Variants in DOCK8 observed in about 807,000 individuals in gnomAD.
DOCK8 encodes dedicator of cytokinesis 8, also known as dedicator of cytokinesis protein 8.
DOCK8 carries 141 observed loss-of-function variants against 245.6 expected under a neutral mutation model. The observed-to-expected ratio is 0.57, with a 90% CI of 0.50 to 0.66. DOCK8 has a LOEUF of 0.66. Ranked by LOEUF, DOCK8 falls within the 30% of genes least tolerant of loss-of-function variation. The pLI is 0.00. For missense variants in DOCK8, 2,965 were observed against 2,603.4 expected (o/e 1.14, Z -3.02); for synonymous variants, 1,168 against 970.2 (o/e 1.20, Z -3.79).
intron 14 of DOCK8, among the ~76,000 whole-genome samples, chr9:348,712 T>G (rs2052018857): frequency 6.6e-6 from 1 of 152,248 alleles, no homozygotes; most frequent in African/African-American, 2.4e-5. Flanking sequence ...TCTATACTTT[T>G]GTTAGTTTTA....
At chr9:417,616 A>G (rs2056084637) in intron 29 of DOCK8, among the ~76,000 whole-genome samples, 1 of 152,238 alleles carries the variant, frequency 6.6e-6, no homozygotes, top group African/African-American at 2.4e-5. Flanking sequence ...TCTATATTAC[A>G]TAGATACAAT....
rs1309184166 is a variant in DOCK8, at chr9:452,110, A to T, written c.6061A>T (p.Ile2021Phe). Residue 2021 changes from isoleucine (I) to phenylalanine (F), a missense_variant, in exon 46 of 48, where the codon ATC (isoleucine) becomes TTC (phenylalanine). Ile to Phe is a conservative substitution (Grantham distance 21, BLOSUM62 0). Coordinates refer to ENST00000432829, the MANE Select transcript of DOCK8 (RefSeq NM_203447.4). ...NKLRLCFKEFIMRCGEAVEKN... is the reference protein window; with the variant it reads ...NKLRLCFKEFFMRCGEAVEKN... Reference sequence around the variant, plus strand: ...GTTGAGGTTATGCTTTAAGGAATTCATCATGAGGTAAGAAGGAAAATGGCT... The same window carrying T: ...GTTGAGGTTATGCTTTAAGGAATTCTTCATGAGGTAAGAAGGAAAATGGCT... The T allele has an allele frequency of 6.2e-7, 1 of 1,607,618 alleles. No homozygotes were observed. The highest frequency in any genetic ancestry group is 1.7e-5 in the Admixed American group (1 of 59,860).
At position 421,067 on chromosome 9, in the gene DOCK8, G is replaced by A. The variant is rs756811056; in HGVS notation, c.4142G>A (p.Arg1381His). 3 of 1,614,118 alleles carry A rather than the reference G, an allele frequency of 1.9e-6. No homozygotes were observed. The highest frequency in any genetic ancestry group is 1.1e-5 in the South Asian group (1 of 91,080). Residue 1381 changes from arginine to histidine, a missense_variant, in exon 32 of 48, where the codon CGC becomes CAC. Around this residue, in one of 3 missense-constraint regions of DOCK8, gnomAD observed 2,825 missense variants for 2,453.5 expected, o/e 1.15. Transcript: ENST00000432829. The stretch of plus-strand genomic sequence containing the variant: ...GGGGCCAGAGGGGAGATGATGCGCC[G>A]CCGGGCTCCAGGTGTGTTGGACTGG... ...GEGARGEMMR[R>H]RAPGNDRFPG...
intron 7 of DOCK8, among the ~76,000 whole-genome samples, chr9:318,344 G>T (rs998101386): frequency 2.6e-5 from 4 of 152,218 alleles, no homozygotes; most frequent in Non-Finnish European, 4.4e-5. Flanking sequence ...CCCCTGGTTT[G>T]CAGTGAGAAG....
chr9:220,394 A>G (rs901377490), intron 1 of DOCK8, among the ~76,000 whole-genome samples: 3 of 152,330 alleles, frequency 2.0e-5, no homozygotes, highest in South Asian at 2.1e-4. Flanking sequence ...TTCATAGACC[A>G]GTGGAAAGAA....
intron 14 of DOCK8, among the ~76,000 whole-genome samples, chr9:351,718 C>T (rs2052177225): frequency 6.6e-6 from 1 of 152,158 alleles, no homozygotes; most frequent in African/African-American, 2.4e-5. Context: ...GGAAGTTTGC[C>T]TCTTTATGTC....
At chr9:444,591 A>T (rs568700280) in intron 43 of DOCK8, among the ~76,000 whole-genome samples, 50 of 152,228 alleles carry the variant, frequency 3.3e-4, no homozygotes, top group Non-Finnish European at 5.3e-4. Context: ...AGGCAAATTG[A>T]ATACAGTCTC....
chr9:400,325 C>CTAT (rs199622509), intron 26 of DOCK8, among the ~76,000 whole-genome samples: 17 of 88,872 alleles, frequency 1.9e-4, no homozygotes, highest in South Asian at 4.7e-4. Flanking sequence ...ACCACCTCCA[C>CTAT]CACCACCACC....
intron 29 of DOCK8, among the ~76,000 whole-genome samples, chr9:415,635 A>T (rs1165617319): frequency 6.6e-6 from 1 of 152,060 alleles, no homozygotes; most frequent in Admixed American, 6.5e-5. Flanking sequence ...TGAGAAAGGC[A>T]GTCCATTGGC....
In DOCK8 at chr9:289,540, T is replaced by G; in HGVS notation, c.363T>G (p.Cys121Trp). The change falls in exon 4 of 48, where the codon TGT becomes TGG. Residue 121 changes from cysteine to tryptophan, a missense_variant. Transcript: ENST00000432829. ...AACTGGACCCTCATGTCAGGGACTG[T>G]GTTCAGACCTACATCCGTGAGTGGC... The part of the protein sequence containing the change: ...GVELDPHVRD[C>W]VQTYIREWLI... 3 of 1,613,458 alleles carry G rather than the reference T, an allele frequency of 1.9e-6. No individual in the cohort carries two copies. The highest frequency in any genetic ancestry group is 2.5e-6 in the Non-Finnish European group (3 of 1,179,578).
At chr9:442,753 T>G (rs926828368) in intron 42 of DOCK8, among the ~76,000 whole-genome samples, 8 of 152,130 alleles carry the variant, frequency 5.3e-5, no homozygotes, top group African/African-American at 1.9e-4. Context: ...CAAGCAGGAC[T>G]GGGGTCCTTT....
At chr9:437,146 C>T (rs1324887925) in intron 39 of DOCK8, among the ~76,000 whole-genome samples, 1 of 152,202 alleles carries the variant, frequency 6.6e-6, no homozygotes, top group African/African-American at 2.4e-5. Flanking sequence ...CCAACCCAGA[C>T]TGACAGAAGG....
intron 1 of DOCK8, among the ~76,000 whole-genome samples, chr9:270,946 T>C (rs1342732043): frequency 1.3e-5 from 2 of 152,152 alleles, no homozygotes; most frequent in African/African-American, 4.8e-5. Flanking sequence ...TTTTGTAAGC[T>C]GGGGTATCAC....
intron 20 of DOCK8, among the ~76,000 whole-genome samples, chr9:379,147 C>T (rs1178700831): frequency 6.6e-6 from 1 of 151,926 alleles, no homozygotes; most frequent in Non-Finnish European, 1.5e-5. Context: ...TCGAACTGAG[C>T]CAAAAAGGGT....
chr9:214,240 G>A (rs1240106220), upstream of DOCK8: 2 of 448,452 alleles, frequency 4.5e-6, no homozygotes, highest in East Asian at 4.7e-5. Flanking sequence ...AAACCTGGAC[G>A]CAGCGTACCC....
chr9:381,574 A>C lies in DOCK8; in HGVS notation c.2606-939A>C, dbSNP rs76918034. 4.8e-3 allele frequency among the ~76,000 whole-genome samples: 727 copies of C among 152,328 alleles called. 7 individuals carry two copies. The highest frequency in any genetic ancestry group is 0.017 in the African/African-American group (701 of 41,570). On this transcript the variant is annotated intron_variant, in intron 21 of 47. Transcript: ENST00000432829. ...AAATTAGTGTCAGTGAGTTCACAAA[A>C]TTGCAGGCCCAAATAAACATGACAC... is the stretch of plus-strand genomic sequence containing the variant.
At chr9:382,026 C>T (rs1195204350) in intron 21 of DOCK8, among the ~76,000 whole-genome samples, 3 of 151,840 alleles carry the variant, frequency 2.0e-5, no homozygotes, top group Non-Finnish European at 4.4e-5. Context: ...AACATGTCAA[C>T]ATTTAAAGAT....
chr9:348,732 A>G (rs948857604), intron 14 of DOCK8, among the ~76,000 whole-genome samples: 4 of 152,218 alleles, frequency 2.6e-5, no homozygotes, highest in African/African-American at 4.8e-5. Flanking sequence ...ACAAATTATT[A>G]TTTAAAATCA....
intron 34 of DOCK8, among the ~76,000 whole-genome samples, 164 bp downstream of exon 34, chr9:427,145 T>G (rs1291682974): frequency 6.6e-6 from 1 of 152,250 alleles, no homozygotes; most frequent in South Asian, 2.1e-4. Flanking sequence ...GTCTACCTTA[T>G]AAATTCCAGA....
Sources: gnomAD v4.1 joint callset for allele counts (sites outside exome capture counted in the v4.1 genomes callset) on GRCh38, gnomAD v4.1.1 for gene constraint, gnomAD v4.1.1 regional missense constraint, MANE v1.5 for transcripts, NCBI Gene and HGNC (gene_info 2026-07-23, HGNC 2026-07-21) for gene names.